The following SLF2 variants were observed in gnomAD, a reference collection of about 807,000 sequenced individuals.
SLF2 encodes SMC5-SMC6 complex localization factor protein 2.
SLF2 carries 68 observed loss-of-function variants against 124.3 expected under a neutral mutation model. The observed-to-expected ratio is 0.55, with a 90% CI of 0.45 to 0.67. The LOEUF is 0.67. SLF2 is among the 30% of genes least tolerant of loss of function. SLF2 has a pLI of 0.00. For synonymous variants in SLF2, 480 were observed against 478.8 expected (o/e 1.00, Z -0.03); for missense variants, 1,246 against 1,373.7 (o/e 0.91, Z 1.47).
chr10:100,959,494 C>T lies in SLF2; in HGVS notation c.3484C>T (p.Gln1162Ter). The T allele has an allele frequency of 6.2e-7, 1 of 1,613,138 alleles. No homozygotes were observed. The highest frequency in any genetic ancestry group is 8.5e-7 in the Non-Finnish European group (1 of 1,179,780). Reference protein sequence around the residue: ...QEIIQNCRPTQGQLHDFWVPD... With the variant: ...QEIIQNCRPT The stretch of plus-strand genomic sequence containing the variant: ...AATAATCCAGAACTGTCGGCCTACT[C>T]AGGTGTCATTTTGTTATACAATTTC... The change falls in exon 19 of 20, where the codon CAG (glutamine) becomes TAG (stop). Residue 1162 changes from glutamine to a stop codon, truncating the protein, a stop_gained and splice_region_variant. Transcript: ENST00000238961. LOFTEE classifies it high-confidence loss of function.
Position 100,962,343 on chromosome 10 carries a change from G to A in SLF2, c.*431G>A, listed in dbSNP as rs1392977587. 6.5e-6 allele frequency: 1 copy of A among 153,056 alleles called. No individual in the cohort carries two copies. Among genetic ancestry groups the A allele is most frequent in the East Asian group, 1.9e-4 (1 of 5,224 alleles). 9.5% of individuals were successfully genotyped at this position (153,056 alleles called of 1,614,324 possible). On this transcript the variant is annotated 3_prime_UTR_variant, in exon 20 of 20. Transcript: ENST00000238961. The stretch of plus-strand genomic sequence containing the variant: ...ACATGGAAAGCAAGACCAAGTTCCA[G>A]TTGGGTTTAATTTTCCCTCTTGGTT...
Position 100,959,442 on chromosome 10 carries a change from C to A in SLF2, c.3432C>A (p.Val1144=), listed in dbSNP as rs765606299. Residue 1144 remains valine, a synonymous_variant, in exon 19 of 20, where the codon GTC becomes GTA. Coordinates refer to ENST00000238961, the MANE Select transcript of SLF2 (RefSeq NM_018121.4). Reference sequence around the variant, plus strand: ...ATATTTTTAAGGTGAAAGACTTGGTCGCCAGGATACATGGAAAATGGCAGG... The same window carrying A: ...ATATTTTTAAGGTGAAAGACTTGGTAGCCAGGATACATGGAAAATGGCAGG... ...LFYRTKVKDL[V]ARIHGKWQEI... The A allele has an allele frequency of 1.3e-5, 21 of 1,607,024 alleles. No individual in the cohort carries two copies. Among genetic ancestry groups the A allele is most frequent in the Non-Finnish European group, 1.8e-5 (21 of 1,178,242 alleles).
At position 100,947,746 on chromosome 10, in the gene SLF2, AC is replaced by A; in HGVS notation, c.3033-13del. On this transcript the variant is annotated splice_polypyrimidine_tract_variant and intron_variant, in intron 14 of 19. Coordinates refer to ENST00000238961, the MANE Select transcript of SLF2 (RefSeq NM_018121.4). ...TTAAAATACATTCTAAATACTTTTA[AC>A]TTCTAATTCTAGGCAACTGAGACAG... 1 of 1,578,736 alleles carries A rather than the reference AC, an allele frequency of 6.3e-7. No individual in the cohort carries two copies. Among genetic ancestry groups the A allele is most frequent in the East Asian group, 2.2e-5 (1 of 44,656 alleles).
intron 13 of SLF2, among the ~76,000 whole-genome samples, chr10:100,946,156 A>G (rs139308774): frequency 2.0e-3 from 307 of 152,318 alleles, no homozygotes; most frequent in African/African-American, 7.0e-3. Context: ...GGCAAAGAGT[A>G]TAATAAATTC....
intron 12 of SLF2, 68 bp downstream of exon 12, chr10:100,944,196 TA>T (rs769926524): frequency 0.067 from 52,555 of 778,820 alleles, 8 homozygotes; most frequent in South Asian, 0.093. Context: ...TAATGGTTTT[TA>T]AAAAAAAAAA....
chr10:100,913,177 C>G lies in SLF2; in HGVS notation c.67C>G (p.Pro23Ala). The G allele has an allele frequency of 6.2e-7, 1 of 1,613,448 alleles. No individual in the cohort carries two copies. Among genetic ancestry groups the G allele is most frequent in the Non-Finnish European group, 8.5e-7 (1 of 1,179,772 alleles). ...PSSPAPGSSP[P>A]RCHLRPGSTA... ...ATCCCCAGCCCCGGGGTCGTCGCCC[C>G]CGCGCTGCCATCTGAGACCCGGTAG... Residue 23 changes from proline to alanine, a missense_variant, in exon 1 of 20, where the codon CCG becomes GCG. By Grantham distance (27) the Pro-to-Ala change is conservative (BLOSUM62 -1). Around this residue, in one of 3 missense-constraint regions of SLF2, gnomAD observed 698 missense variants for 708.9 expected, o/e 0.98. Coordinates refer to ENST00000238961, the MANE Select transcript of SLF2 (RefSeq NM_018121.4).
intron 18 of SLF2, among the ~76,000 whole-genome samples, chr10:100,957,111 C>G (rs1471124896): frequency 6.6e-6 from 1 of 152,134 alleles, no homozygotes; most frequent in Non-Finnish European, 1.5e-5. Context: ...ACTTCTAGTA[C>G]TAATGATACA....
intron 11 of SLF2, among the ~76,000 whole-genome samples, chr10:100,943,361 T>C (rs966719012): frequency 3.9e-5 from 6 of 152,332 alleles, no homozygotes; most frequent in Middle Eastern, 3.4e-3. Flanking sequence ...GTAGTAATTA[T>C]CTTAGGAAGG....
At chr10:100,936,800 T>C (rs1213399477) in intron 9 of SLF2, among the ~76,000 whole-genome samples, 3 of 152,220 alleles carry the variant, frequency 2.0e-5, no homozygotes, top group East Asian at 3.9e-4. Context: ...TGTCATGCTG[T>C]ATACTAAAAA....
intron 10 of SLF2, 30 bp from the exon 11 acceptor site, chr10:100,938,565 T>C: frequency 1.9e-6 from 3 of 1,592,642 alleles, no homozygotes; most frequent in Non-Finnish European, 2.6e-6. Flanking sequence ...ACCACAGATT[T>C]AGAATGAAAT....
At chr10:100,918,875 A>C (rs1394278160) in intron 4 of SLF2, among the ~76,000 whole-genome samples, 1 of 151,810 alleles carries the variant, frequency 6.6e-6, no homozygotes, top group East Asian at 1.9e-4. Flanking sequence ...ACCACACCTG[A>C]CCTAGTGCAT....
intron 6 of SLF2, among the ~76,000 whole-genome samples, chr10:100,927,195 C>A (rs181576860): frequency 5.8e-4 from 89 of 152,194 alleles, no homozygotes; most frequent in Admixed American, 1.0e-3. Context: ...CATCTAGCTA[C>A]AGAACTTTTT....
chr10:100,936,050 G>A (rs886680876), intron 9 of SLF2, among the ~76,000 whole-genome samples: 11 of 150,902 alleles, frequency 7.3e-5, no homozygotes, highest in African/African-American at 2.7e-4. Context: ...TTGTAGAGGC[G>A]GGATCTTGCC....
intron 9 of SLF2, among the ~76,000 whole-genome samples, chr10:100,932,443 G>A (rs371738408): frequency 2.0e-5 from 3 of 152,118 alleles, no homozygotes; most frequent in East Asian, 3.8e-4. Context: ...GAGAACTACA[G>A]CTATTATATA....
intron 7 of SLF2, 31 bp downstream of exon 7, chr10:100,929,470 T>C: frequency 6.5e-7 from 1 of 1,529,852 alleles, no homozygotes; most frequent in Non-Finnish European, 8.8e-7. Flanking sequence ...TATTTTACCT[T>C]ATTAAAGTTT....
At chr10:100,945,698 C>G (rs1850091582) in intron 13 of SLF2, among the ~76,000 whole-genome samples, 192 bp downstream of exon 13, 1 of 152,174 alleles carries the variant, frequency 6.6e-6, no homozygotes. Context: ...AACTTCAACT[C>G]TTTATCCAAC....
chr10:100,924,118 A>G lies in SLF2; in HGVS notation c.1117A>G (p.Lys373Glu). 6.2e-7 allele frequency: 1 copy of G among 1,613,160 alleles called. No individual in the cohort carries two copies. The highest frequency in any genetic ancestry group is 1.3e-5 in the African/African-American group (1 of 74,898). Residue 373 changes from lysine to glutamate, a missense_variant, in exon 5 of 20, where the codon AAA (lysine) becomes GAA (glutamate). By Grantham distance (56) the Lys-to-Glu change is moderately conservative (BLOSUM62 1). Coordinates refer to ENST00000238961, the MANE Select transcript of SLF2 (RefSeq NM_018121.4). ...KRPDGPHQKE[K>E]FIKHIALKTP... is the part of the protein sequence containing the mutation. ...TCCTGATGGACCACATCAGAAAGAA[A>G]AATTTATAAAACATATTGCACTGAA...
Position 100,945,441 on chromosome 10 carries a change from C to A in SLF2, c.2869C>A (p.Pro957Thr). 1.9e-6 allele frequency: 3 copies of A among 1,595,322 alleles called. No individual in the cohort carries two copies. The highest frequency in any genetic ancestry group is 1.2e-5 in the South Asian group (1 of 86,204). The change falls in exon 13 of 20, where the codon CCT (proline) becomes ACT (threonine). Residue 957 changes from proline (P) to threonine (T), a missense_variant. Coordinates refer to ENST00000238961, the MANE Select transcript of SLF2 (RefSeq NM_018121.4). ...MSLEKQLKQI[P>T]LVDFQSLLIN... ...TTTGGAAAAACAGCTGAAACAGATT[C>A]CTTTAGTAGACTTTCAAAGCCTCCT...
intron 9 of SLF2, among the ~76,000 whole-genome samples, chr10:100,933,494 G>C (rs953124453): frequency 4.6e-5 from 7 of 151,816 alleles, no homozygotes; most frequent in Non-Finnish European, 1.5e-5. Context: ...CCAGTATTTT[G>C]TAAGTTTAAT....
Sources: allele counts gnomAD v4.1 joint callset (sites outside exome capture counted in the v4.1 genomes callset), GRCh38; gene constraint gnomAD v4.1.1; regional missense constraint gnomAD v4.1.1; transcripts MANE v1.5; gene names NCBI Gene and HGNC (gene_info 2026-07-23, HGNC 2026-07-21).